ENPEP: variants seen among roughly 807,000 people sequenced by gnomAD.
The protein encoded by ENPEP is AP-A.
A neutral mutation model predicts 114.5 loss-of-function variants in ENPEP; 103 were observed. That is an observed-to-expected ratio of 0.90 (90% CI 0.77 to 1.06). The LOEUF (loss-of-function observed/expected upper bound fraction) is 1.06. Among genes scored for constraint, ENPEP ranks in the 50% least tolerant of loss-of-function variants. The pLI is 0.00. For missense variants in ENPEP, 1,196 were observed against 1,161.3 expected (o/e 1.03, Z -0.43); for synonymous variants, 420 against 422.0 (o/e 1.00, Z 0.06).
chr4:110,542,695 C>T (rs561930083), intron 11 of ENPEP, 56 bp from the exon 12 acceptor site: 3 of 1,471,248 alleles, frequency 2.0e-6, no homozygotes, highest in South Asian at 3.0e-5. Context: ...TCTAATTTCT[C>T]TGTGTTGACA....
intron 1 of ENPEP, among the ~76,000 whole-genome samples, chr4:110,478,563 G>A (rs1724197766): frequency 6.6e-6 from 1 of 152,050 alleles, no homozygotes; most frequent in Admixed American, 6.5e-5. Context: ...TTTACTTAAT[G>A]TCTTGAGAAG....
intron 11 of ENPEP, among the ~76,000 whole-genome samples, chr4:110,538,240 A>G (rs1726716686): frequency 6.6e-6 from 1 of 152,222 alleles, no homozygotes; most frequent in Non-Finnish European, 1.5e-5. Flanking sequence ...TGTTTCATCT[A>G]CACTGAAAAT....
chr4:110,491,340 A>G lies in ENPEP; in HGVS notation c.918+176A>G, dbSNP rs192131998. On this transcript the variant is annotated intron_variant, in intron 3 of 19. Coordinates refer to ENST00000265162, the MANE Select transcript of ENPEP (RefSeq NM_001977.4). ...AAATGTAGGCTGAAAGGATACAGGT[A>G]AAAAATAAACCAACACAACAGACAT... Among the ~76,000 whole-genome samples the G allele has an allele frequency of 9.9e-5, 15 of 152,204 alleles. No homozygotes were observed. The East Asian group carries it at 2.9e-3, about 29-fold the overall frequency.
At chr4:110,556,440 T>A (rs936778057) in intron 18 of ENPEP, among the ~76,000 whole-genome samples, 19 of 152,140 alleles carry the variant, frequency 1.2e-4, no homozygotes, top group Non-Finnish European at 2.9e-5. Context: ...TAAGTGTGCA[T>A]CTTCAATATT....
intron 3 of ENPEP, among the ~76,000 whole-genome samples, chr4:110,497,317 T>G (rs1210895006): frequency 6.6e-6 from 1 of 152,204 alleles, no homozygotes; most frequent in African/African-American, 2.4e-5. Flanking sequence ...TTAATTAATT[T>G]CTTTACTGGA....
intron 2 of ENPEP, among the ~76,000 whole-genome samples, chr4:110,489,615 G>C (rs1482317561): frequency 2.0e-5 from 3 of 151,696 alleles, no homozygotes; most frequent in Admixed American, 6.6e-5. Context: ...AATTTTAAAA[G>C]GCTGATAATT....
chr4:110,489,819 T>A (rs781217159), intron 2 of ENPEP, among the ~76,000 whole-genome samples: 6 of 152,196 alleles, frequency 3.9e-5, no homozygotes. Context: ...CCCCAAATTA[T>A]GTCTCCCATC....
Position 110,506,628 on chromosome 4 carries a change from G to A in ENPEP, c.919-9G>A. On this transcript the variant is annotated splice_polypyrimidine_tract_variant and intron_variant, in intron 3 of 19. Transcript: ENST00000265162. ...ATTTTCACTGAATTTTTTGTGTTTT[G>A]TTTAATAGCTTACAATTTATGTCCA... 6.3e-7 allele frequency: 1 copy of A among 1,592,750 alleles called. No homozygotes were observed. Among genetic ancestry groups the A allele is most frequent in the Non-Finnish European group, 8.5e-7 (1 of 1,171,646 alleles).
At chr4:110,489,921 A>G (rs1724640676) in intron 2 of ENPEP, among the ~76,000 whole-genome samples, 1 of 152,240 alleles carries the variant, frequency 6.6e-6, no homozygotes, top group Admixed American at 6.5e-5. Flanking sequence ...AATAAAGCAA[A>G]TAAACACTTA....
At chr4:110,560,007 T>C (rs897350597) in intron 19 of ENPEP, among the ~76,000 whole-genome samples, 6 of 152,174 alleles carry the variant, frequency 3.9e-5, no homozygotes, top group Admixed American at 2.0e-4. Flanking sequence ...TGTGTTCTCA[T>C]TGTTCAGCTC....
chr4:110,503,063 C>T (rs1235075428), intron 3 of ENPEP, among the ~76,000 whole-genome samples: 1 of 152,168 alleles, frequency 6.6e-6, no homozygotes, highest in Non-Finnish European at 1.5e-5. Context: ...GCTCCCCCCA[C>T]CCCACGACAG....
In ENPEP at chr4:110,488,656, G is replaced by A. The variant is rs752216941; in HGVS notation, c.760G>A (p.Gly254Arg). Residue 254 changes from glycine (G) to arginine (R), a missense_variant, in exon 2 of 20, where the codon GGA (glycine) becomes AGA (arginine). Transcript: ENST00000265162. Reference protein sequence around the residue: ...TISITHPKEYGALSNMPVAKE... With the variant: ...TISITHPKEYRALSNMPVAKE... ...ATCTATCACCCATCCCAAAGAATAC[G>A]GAGCACTTTCAAATATGCCAGTGGC... is the stretch of plus-strand genomic sequence containing the variant. 8.7e-6 allele frequency: 14 copies of A among 1,612,050 alleles called. No homozygotes were observed. The highest frequency in any genetic ancestry group is 4.4e-5 in the South Asian group (4 of 90,564).
intron 19 of ENPEP, 90 bp from the exon 20 acceptor site, chr4:110,561,316 A>G (rs1727668988): frequency 6.5e-6 from 9 of 1,380,778 alleles, no homozygotes; most frequent in Non-Finnish European, 9.1e-6. Context: ...TTTCTAGGTA[A>G]GAAGAAAGCA....
At chr4:110,477,799 C>T (rs1304220936) in intron 1 of ENPEP, among the ~76,000 whole-genome samples, 1 of 152,162 alleles carries the variant, frequency 6.6e-6, no homozygotes, top group Non-Finnish European at 1.5e-5. Flanking sequence ...TAGTTAAATA[C>T]ATACAAATAT....
chr4:110,548,676 C>T (rs557691534), intron 14 of ENPEP, among the ~76,000 whole-genome samples: 1 of 152,024 alleles, frequency 6.6e-6, no homozygotes, highest in South Asian at 2.1e-4. Context: ...GTGAATTATT[C>T]TTCTAAAATA....
intron 13 of ENPEP, among the ~76,000 whole-genome samples, chr4:110,546,207 T>G (rs960603853): frequency 2.0e-5 from 3 of 152,014 alleles, no homozygotes; most frequent in Admixed American, 6.6e-5. Flanking sequence ...GTCTTGTTCT[T>G]GACCATGTTA....
chr4:110,486,097 T>C (rs1724491275), intron 1 of ENPEP, among the ~76,000 whole-genome samples: 1 of 152,200 alleles, frequency 6.6e-6, no homozygotes. Flanking sequence ...TAAAATAATT[T>C]TTTCCTTCAA....
rs1316886492 is a variant in ENPEP, at chr4:110,561,756, T to A, written c.*198T>A. 2 of 485,356 alleles carry A rather than the reference T, an allele frequency of 4.1e-6. No homozygotes were observed. Among genetic ancestry groups the A allele is most frequent in the Non-Finnish European group, 7.2e-6 (2 of 279,624 alleles). The allele number at this position is 485,356 out of a possible 1,614,324, so 30.1% of individuals were successfully genotyped here. ...AGAAAGATACTAATAGAGTACTTAA[T>A]ATACTCAGGGATTCCTTCTAAGTGT... On this transcript the variant is annotated 3_prime_UTR_variant, in exon 20 of 20. Coordinates refer to ENST00000265162, the MANE Select transcript of ENPEP (RefSeq NM_001977.4).
intron 11 of ENPEP, chr4:110,533,175 A>T: frequency 2.6e-6 from 1 of 381,854 alleles, no homozygotes; most frequent in Non-Finnish European, 5.4e-6. Context: ...CCCTAGTACA[A>T]TTCACCCAGC....
Sources: gnomAD v4.1 joint callset for allele counts (sites outside exome capture counted in the v4.1 genomes callset) on GRCh38, gnomAD v4.1.1 for gene constraint, MANE v1.5 for transcripts, NCBI Gene and HGNC (gene_info 2026-07-23, HGNC 2026-07-21) for gene names.